ACER1: variants seen among roughly 807,000 people sequenced by gnomAD.
The protein encoded by ACER1 is CTB-180A7.3.
ACER1 carries 28 observed loss-of-function variants against 24.9 expected under a neutral mutation model. The observed-to-expected ratio is 1.13, with a 90% CI of 0.83 to 1.54. The LOEUF is 1.54. Ranked by LOEUF, ACER1 falls within the 40% of genes most tolerant of loss-of-function variation. The pLI, the probability that ACER1 is intolerant of heterozygous loss-of-function variation, is 0.00. For missense variants in ACER1, 352 were observed against 349.3 expected, an observed-to-expected ratio of 1.01 and a Z score of -0.06; for synonymous variants, 132 against 131.4, an observed-to-expected ratio of 1.00 and a Z score of -0.03.
chr19:6,307,094 C>T (rs760623156), intron 5 of ACER1, 59 bp downstream of exon 5: 43 of 1,602,774 alleles, frequency 2.7e-5, no homozygotes, highest in Non-Finnish European at 3.6e-5. Flanking sequence ...CTACTCCGAG[C>T]TTTGGCATCT....
rs370464181 is a variant in ACER1 at position 6,333,521 on chromosome 19, C to A, written c.31G>T (p.Glu11Ter). Residue 11 changes from glutamate to a stop codon, truncating the protein, a stop_gained, in exon 1 of 6, where the codon GAG becomes TAG. Coordinates refer to ENST00000301452, the MANE Select transcript of ACER1 (RefSeq NM_133492.3). LOFTEE classifies it high-confidence loss of function. The part of the protein sequence containing the change: MPSIFAYQSS[E>*]VDWCESNFQY... ...AAGTTGCTCTCACACCAGTCCACCT[C>A]GGAGCTCTGATAGGCGAAGATGCTA... is the stretch of plus-strand genomic sequence containing the variant. The A allele has an allele frequency of 2.5e-6, 4 of 1,590,552 alleles. No homozygotes were observed. Among genetic ancestry groups the A allele is most frequent in the Non-Finnish European group, 2.6e-6 (3 of 1,167,836 alleles).
upstream of ACER1, among the ~76,000 whole-genome samples, chr19:6,333,907 C>A (rs56106063): frequency 0.018 from 2,780 of 152,134 alleles, 34 homozygotes; most frequent in Non-Finnish European, 0.028. Context: ...AGAGTCAGGG[C>A]CTTGCTCTGT....
chr19:6,347,109 A>AAAAAAAAATATATATATAT, the ACER1 span, among the ~76,000 whole-genome samples: 140 of 113,732 alleles, frequency 1.2e-3, no homozygotes, highest in African/African-American at 6.4e-3. Context: ...AAAAAAAAAA[A>AAAAAAAAATATATATATAT]ATATATATAT....
chr19:6,324,860 A>AAAAGAAGGAAGG (rs1555716050), intron 1 of ACER1, among the ~76,000 whole-genome samples: 1 of 100,338 alleles, frequency 1.0e-5, no homozygotes, highest in East Asian at 3.4e-4. Context: ...AGAGAGAGAG[A>AAAAGAAGGAAGG]AAGGAAGGAA....
At chr19:6,344,283 A>AAT in the ACER1 span, among the ~76,000 whole-genome samples, 8 of 150,878 alleles carry the variant, frequency 5.3e-5, no homozygotes, top group South Asian at 6.3e-4. Flanking sequence ...TATATATATA[A>AAT]ATATATATAT....
At chr19:6,351,979 C>A in the ACER1 span, among the ~76,000 whole-genome samples, 2 of 150,756 alleles carry the variant, frequency 1.3e-5, no homozygotes, top group Admixed American at 6.7e-5. Flanking sequence ...TGGCGTGAAC[C>A]TGGGTGGCGG....
At chr19:6,349,747 T>C in the ACER1 span, among the ~76,000 whole-genome samples, 2 of 152,076 alleles carry the variant, frequency 1.3e-5, no homozygotes, top group Non-Finnish European at 2.9e-5. Flanking sequence ...GGGAGGTGGC[T>C]CTCTGCACCT....
At chr19:6,356,722 TAAA>T in the ACER1 span, among the ~76,000 whole-genome samples, 3 of 141,798 alleles carry the variant, frequency 2.1e-5, no homozygotes, top group Non-Finnish European at 3.1e-5. Context: ...ATACTGCATG[TAAA>T]AAAAAAAAAA....
chr19:6,329,875 ATT>A (rs540451359), intron 1 of ACER1, among the ~76,000 whole-genome samples: 2 of 144,412 alleles, frequency 1.4e-5, no homozygotes, highest in African/African-American at 2.5e-5. Context: ...TTAATTTTTA[ATT>A]TTTTTTTTTT....
chr19:6,316,296 A>G (rs898732679), intron 1 of ACER1, among the ~76,000 whole-genome samples: 34 of 152,246 alleles, frequency 2.2e-4, no homozygotes, highest in African/African-American at 8.2e-4. Flanking sequence ...AAAATTAGCC[A>G]AACATACTGG....
the ACER1 span, among the ~76,000 whole-genome samples, chr19:6,341,582 T>C: frequency 6.6e-6 from 1 of 151,974 alleles, no homozygotes; most frequent in African/African-American, 2.4e-5. Flanking sequence ...TATACCCATC[T>C]TAGCATTGGG....
At chr19:6,315,086 G>A (rs886907514) in intron 1 of ACER1, among the ~76,000 whole-genome samples, 1 of 151,716 alleles carries the variant, frequency 6.6e-6, no homozygotes, top group South Asian at 2.1e-4. Flanking sequence ...TAGTAGAGAC[G>A]GGGTTTCACC....
the ACER1 span, among the ~76,000 whole-genome samples, chr19:6,358,256 C>A: frequency 6.6e-6 from 1 of 152,132 alleles, no homozygotes. Context: ...GCCCAAATGC[C>A]GGCTTTCCAC....
chr19:6,321,604 G>A, intron 1 of ACER1, among the ~76,000 whole-genome samples: 1 of 132,738 alleles, frequency 7.5e-6, no homozygotes, highest in Non-Finnish European at 1.7e-5. Context: ...TTTTTTCTTT[G>A]TTTGTTTTGT....
the ACER1 span, among the ~76,000 whole-genome samples, chr19:6,357,507 C>G: frequency 2.0e-5 from 3 of 151,996 alleles, no homozygotes; most frequent in African/African-American, 7.3e-5. Flanking sequence ...CGCGGTGGTT[C>G]ACACCTGTAA....
the ACER1 span, among the ~76,000 whole-genome samples, chr19:6,346,917 G>A: frequency 2.0e-5 from 3 of 151,522 alleles, no homozygotes; most frequent in Non-Finnish European, 4.4e-5. Flanking sequence ...GGGAAAAAAG[G>A]AAAGATAAAG....
the ACER1 span, among the ~76,000 whole-genome samples, chr19:6,340,800 C>T: frequency 3.9e-5 from 6 of 152,072 alleles, no homozygotes; most frequent in East Asian, 1.9e-4. Flanking sequence ...GCTCTTCCCC[C>T]GCTAGGGGGA....
chr19:6,333,044 C>T (rs2145021801), intron 1 of ACER1, among the ~76,000 whole-genome samples: 1 of 152,204 alleles, frequency 6.6e-6, no homozygotes, highest in Non-Finnish European at 1.5e-5. Flanking sequence ...GTGGGTACAG[C>T]TGCAAACAAG....
the ACER1 span, among the ~76,000 whole-genome samples, chr19:6,354,225 A>T: frequency 6.6e-6 from 1 of 151,926 alleles, no homozygotes; most frequent in Non-Finnish European, 1.5e-5. Context: ...TAAATAAATA[A>T]ATAAATAGTG....
Sources: gnomAD v4.1 joint callset for allele counts (sites outside exome capture counted in the v4.1 genomes callset) on GRCh38, gnomAD v4.1.1 for gene constraint, MANE v1.5 for transcripts, NCBI Gene and HGNC (gene_info 2026-07-23, HGNC 2026-07-21) for gene names.